Variants in CDH10 observed in about 807,000 individuals in gnomAD.
The protein encoded by CDH10 is cadherin 10.
Under a neutral mutation model 73.1 loss-of-function variants are expected in CDH10, and 30 were observed. That is an observed-to-expected ratio of 0.41 (90% CI 0.31 to 0.56). The LOEUF (loss-of-function observed/expected upper bound fraction) is 0.56. Ranked by LOEUF, CDH10 falls within the 20% of genes least tolerant of loss-of-function variation. The pLI is 0.27. For synonymous variants in CDH10, 345 were observed against 348.2 expected, an observed-to-expected ratio of 0.99 and a Z score of 0.10; for missense variants, 815 against 973.7, an observed-to-expected ratio of 0.84 and a Z score of 2.17.
intron 5 of CDH10, among the ~76,000 whole-genome samples, chr5:24,528,815 C>A (rs115037145): frequency 6.6e-6 from 1 of 151,964 alleles, no homozygotes; most frequent in Admixed American, 6.6e-5. Flanking sequence ...GTGCCAATAT[C>A]TTTCTAGGTG....
At chr5:24,583,225 T>C (rs1269322676) in intron 2 of CDH10, among the ~76,000 whole-genome samples, 1 of 148,752 alleles carries the variant, frequency 6.7e-6, no homozygotes, top group Non-Finnish European at 1.5e-5. Flanking sequence ...AAAAGCAGAT[T>C]CCATTAACAT....
At chr5:24,622,265 C>A in intron 1 of CDH10, among the ~76,000 whole-genome samples, 1 of 135,424 alleles carries the variant, frequency 7.4e-6, no homozygotes, top group East Asian at 2.2e-4. Context: ...CGAATGTTGA[C>A]AAAATTTTTC....
In CDH10 at chr5:24,492,913, T is replaced by C. The variant is rs1459433654; in HGVS notation, c.1528A>G (p.Ile510Val). Residue 510 changes from isoleucine to valine, a missense_variant, in exon 10 of 12, where the codon ATA becomes GTA. Ile to Val is a conservative substitution (Grantham distance 29, BLOSUM62 3). Coordinates refer to ENST00000264463, the MANE Select transcript of CDH10 (RefSeq NM_006727.5). ...NARPGQLIQT[I>V]SAVDKDDPLG... ...GGGTCATCTTTGTCTACTGCACTTATAGTCTGTATTAGCTGCAGAAAAAGA... is the reference window on the plus strand; with the variant it reads ...GGGTCATCTTTGTCTACTGCACTTACAGTCTGTATTAGCTGCAGAAAAAGA... 6.8e-6 allele frequency: 10 copies of C among 1,464,140 alleles called. No homozygotes were observed. The highest frequency in any genetic ancestry group is 6.8e-5 in the East Asian group (3 of 44,002). 90.7% of individuals were successfully genotyped at this position (1,464,140 alleles called of 1,614,324 possible).
In CDH10 at chr5:24,504,506, C is replaced by CTGTTTTTTTTTTTTTTTTT. The variant is rs1554016940; in HGVS notation, c.1393+605_1393+606insAAAAAAAAAAAAAAAAACA. On this transcript the variant is annotated intron_variant, in intron 8 of 11. Coordinates refer to ENST00000264463, the MANE Select transcript of CDH10 (RefSeq NM_006727.5). ...TATTAAATGCTTTTCTCCTATTAATCTTTTTTTTTTTTTTTTTTTTTTTTT... is the reference window on the plus strand; with the variant it reads ...TATTAAATGCTTTTCTCCTATTAATCTGTTTTTTTTTTTTTTTTTTTTTTTTTTTTTTTTTTTTTTTTTT... Among the ~76,000 whole-genome samples, 29 of 65,164 alleles carry CTGTTTTTTTTTTTTTTTTT rather than the reference C, an allele frequency of 4.5e-4. 13 individuals carry two copies. Among genetic ancestry groups the CTGTTTTTTTTTTTTTTTTT allele is most frequent in the South Asian group, 1.1e-3 (2 of 1,764 alleles). 42.8% of individuals were successfully genotyped at this position (65,164 alleles called of 152,430 possible). A position where few individuals can be genotyped will look rare whatever the true frequency, so the allele number is the denominator to read the frequency against.
intron 1 of CDH10, among the ~76,000 whole-genome samples, chr5:24,593,932 T>C (rs530112104): frequency 6.6e-6 from 1 of 151,950 alleles, no homozygotes; most frequent in Admixed American, 6.6e-5. Flanking sequence ...TCATTCTGCA[T>C]GTCAATTTTT....
chr5:24,541,150 G>T (rs1027160373), intron 2 of CDH10, among the ~76,000 whole-genome samples: 7 of 152,020 alleles, frequency 4.6e-5, no homozygotes, highest in Non-Finnish European at 8.8e-5. Flanking sequence ...AAACTGATGG[G>T]ATACAGGAAC....
intron 1 of CDH10, among the ~76,000 whole-genome samples, chr5:24,597,594 A>G (rs1319061859): frequency 6.6e-6 from 1 of 152,084 alleles, no homozygotes; most frequent in African/African-American, 2.4e-5. Context: ...TTTTTCTCTT[A>G]ATCATGCTGT....
intron 5 of CDH10, among the ~76,000 whole-genome samples, chr5:24,514,585 G>C (rs7731512): frequency 0.014 from 2,074 of 152,168 alleles, 50 homozygotes; most frequent in African/African-American, 0.047. Context: ...TTCAATAAAT[G>C]AATTTATTAC....
intron 1 of CDH10, among the ~76,000 whole-genome samples, chr5:24,639,656 AC>A (rs1258969579): frequency 2.6e-5 from 4 of 151,762 alleles, no homozygotes; most frequent in African/African-American, 9.7e-5. Context: ...CTCATTATAT[AC>A]CAGATTTCAT....
intron 8 of CDH10, among the ~76,000 whole-genome samples, chr5:24,503,111 G>A (rs1742555089): frequency 6.6e-6 from 1 of 152,158 alleles, no homozygotes; most frequent in African/African-American, 2.4e-5. Flanking sequence ...GTTCATTGCT[G>A]ATGATCTGTC....
intron 1 of CDH10, among the ~76,000 whole-genome samples, chr5:24,602,782 G>T (rs1323459466): frequency 6.6e-6 from 1 of 151,980 alleles, no homozygotes; most frequent in Non-Finnish European, 1.5e-5. Flanking sequence ...TAAGAAGATG[G>T]GAAAGAGATT....
At chr5:24,527,078 ATATTTAAT>A (rs1743559232) in intron 5 of CDH10, among the ~76,000 whole-genome samples, 1 of 114,910 alleles carries the variant, frequency 8.7e-6, no homozygotes, top group Non-Finnish European at 2.0e-5. Flanking sequence ...TATGTCTAAA[ATATTTAAT>A]TATTTAGACA....
intron 9 of CDH10, among the ~76,000 whole-genome samples, chr5:24,497,382 T>G (rs1742330139): frequency 6.6e-6 from 1 of 151,890 alleles, no homozygotes; most frequent in Non-Finnish European, 1.5e-5. Context: ...TTTTGGGGCG[T>G]GCACTGTTTC....
chr5:24,575,245 T>A lies in CDH10; in HGVS notation c.231+18015A>T, dbSNP rs569513954. Among the ~76,000 whole-genome samples the A allele has an allele frequency of 6.1e-4, 74 of 120,638 alleles. 1 individual carries two copies. Among genetic ancestry groups the A allele is most frequent in the African/African-American group, 1.8e-3 (72 of 39,960 alleles). 79.1% of individuals were successfully genotyped at this position (120,638 alleles called of 152,430 possible). A position where few individuals can be genotyped will look rare whatever the true frequency, so the allele number is the denominator to read the frequency against. On this transcript the variant is annotated intron_variant, in intron 2 of 11. Coordinates refer to ENST00000264463, the MANE Select transcript of CDH10 (RefSeq NM_006727.5). The stretch of plus-strand genomic sequence containing the variant: ...GGCATGGTGGCATACACCTGTAATC[T>A]TAGCTACTCAGGAGGCTGAGGCATG...
At chr5:24,616,124 TAA>T (rs11326457) in intron 1 of CDH10, among the ~76,000 whole-genome samples, 4 of 147,000 alleles carry the variant, frequency 2.7e-5, no homozygotes, top group African/African-American at 7.4e-5. Flanking sequence ...TTCAGAAAGT[TAA>T]AAAAAAAAAG....
chr5:24,628,993 C>T (rs1485555429), intron 1 of CDH10, among the ~76,000 whole-genome samples: 1 of 152,052 alleles, frequency 6.6e-6, no homozygotes, highest in Non-Finnish European at 1.5e-5. Context: ...CCACCAAGTA[C>T]TTCCATGCAT....
rs185344499 is a variant in CDH10 at position 24,560,513 on chromosome 5, G to T, written c.232-22839C>A. Among the ~76,000 whole-genome samples the T allele has an allele frequency of 2.3e-3, 350 of 151,968 alleles. 2 individuals are homozygous for T. The highest frequency in any genetic ancestry group is 8.0e-3 in the African/African-American group (332 of 41,434). ...TTTCATTGAGGTGTGCCCTAAGTTT[G>T]AATAATGCTGGGCATTTGAATAAAA... On this transcript the variant is annotated intron_variant, in intron 2 of 11. Transcript: ENST00000264463.
chr5:24,548,464 A>G (rs1370669120), intron 2 of CDH10, among the ~76,000 whole-genome samples: 2 of 97,696 alleles, frequency 2.0e-5, no homozygotes, highest in East Asian at 7.9e-4. Flanking sequence ...CTTGAGATAG[A>G]ATTCCCAGTC....
chr5:24,515,875 T>C (rs1202021819), intron 5 of CDH10, among the ~76,000 whole-genome samples: 1 of 147,620 alleles, frequency 6.8e-6, no homozygotes, highest in Non-Finnish European at 1.5e-5. Context: ...GTAAGTCTCA[T>C]GAGATCTGAT....
Sources: gnomAD v4.1 joint callset for allele counts (sites outside exome capture counted in the v4.1 genomes callset) on GRCh38, gnomAD v4.1.1 for gene constraint, MANE v1.5 for transcripts, NCBI Gene and HGNC (gene_info 2026-07-23, HGNC 2026-07-21) for gene names.